The following ARID1B variants were observed in gnomAD, a reference collection of about 807,000 sequenced individuals.
The protein encoded by ARID1B is AT-rich interactive domain-containing protein 1B.
A neutral mutation model predicts 212.3 loss-of-function variants in ARID1B; 30 were observed. The observed-to-expected ratio is 0.14, with a 90% CI of 0.11 to 0.19. ARID1B has a LOEUF of 0.19. Ranked by LOEUF, ARID1B falls within the 10% of genes least tolerant of loss-of-function variation. ARID1B has a pLI of 1.00. For synonymous variants in ARID1B, 1,402 were observed against 1,301.7 expected (o/e 1.08, Z -1.66); for missense variants, 2,891 against 3,204.0 (o/e 0.90, Z 2.36).
intron 4 of ARID1B, among the ~76,000 whole-genome samples, chr6:157,060,985 C>G (rs946857367): frequency 6.6e-6 from 1 of 152,084 alleles, no homozygotes; most frequent in Non-Finnish European, 1.5e-5. Context: ...GTGGAGTGCT[C>G]TGCCCACTCC....
At chr6:157,077,252 G>A (rs934796277) in intron 4 of ARID1B, among the ~76,000 whole-genome samples, 1 of 152,128 alleles carries the variant, frequency 6.6e-6, no homozygotes, top group Admixed American at 6.5e-5. Context: ...TTCTTAAATA[G>A]TACCTGCAAT....
At chr6:156,920,551 A>G (rs1025065903) in intron 3 of ARID1B, among the ~76,000 whole-genome samples, 19 of 152,186 alleles carry the variant, frequency 1.2e-4, no homozygotes, top group Non-Finnish European at 2.2e-4. Flanking sequence ...AACAAGCTCT[A>G]TGTATATTGT....
chr6:157,007,358 A>G (rs1387986881), intron 4 of ARID1B, among the ~76,000 whole-genome samples: 2 of 152,208 alleles, frequency 1.3e-5, no homozygotes, highest in Non-Finnish European at 2.9e-5. Context: ...GAATCCCAAA[A>G]TGTTATTCTT....
intron 6 of ARID1B, among the ~76,000 whole-genome samples, chr6:157,131,144 C>T (rs539726260): frequency 6.6e-6 from 1 of 152,298 alleles, no homozygotes; most frequent in East Asian, 1.9e-4. Context: ...TCGTACTCAG[C>T]ACTCTGTTGG....
intron 2 of ARID1B, among the ~76,000 whole-genome samples, chr6:156,838,213 A>T (rs1036794123): frequency 6.6e-6 from 1 of 152,200 alleles, no homozygotes. Context: ...CAAGGATCCA[A>T]GTCAAGATCT....
At chr6:157,016,463 C>T (rs76855390) in intron 4 of ARID1B, among the ~76,000 whole-genome samples, 4,072 of 152,232 alleles carry the variant, frequency 0.027, 260 homozygotes, top group East Asian at 0.25. Flanking sequence ...TACAGCAAGT[C>T]CTTGAATAAT....
chr6:156,937,213 G>A (rs1792316022), intron 4 of ARID1B: 1 of 152,156 alleles, frequency 6.6e-6, no homozygotes, highest in Admixed American at 6.6e-5. Flanking sequence ...GTGTGTGAGA[G>A]AGAGAGAAGG....
At chr6:156,822,789 G>A (rs1412969052) in intron 1 of ARID1B, among the ~76,000 whole-genome samples, 1 of 152,192 alleles carries the variant, frequency 6.6e-6, no homozygotes, top group Admixed American at 6.5e-5. Context: ...GGGAACCTCT[G>A]TGGTGAGGTG....
rs1350113636 is a variant in ARID1B, at chr6:156,778,799, C to T, written c.1119C>T (p.Tyr373=). 3.3e-6 allele frequency: 5 copies of T among 1,498,834 alleles called. No individual in the cohort carries two copies. The highest frequency in any genetic ancestry group is 1.5e-5 in the African/African-American group (1 of 68,132). 92.8% of individuals were successfully genotyped at this position (1,498,834 alleles called of 1,614,324 possible). ...CCCTGCAGAACTCCCACGAAGGGTA[C>T]CCCAACAGCCAGTGCAACCATTATC... The part of the protein sequence containing the change: ...MDPLQNSHEG[Y]PNSQCNHYPG... The change falls in exon 1 of 20, where the codon TAC becomes TAT. Residue 373 remains tyrosine (Y), a synonymous_variant. Transcript: ENST00000636930.
intron 3 of ARID1B, among the ~76,000 whole-genome samples, chr6:156,920,140 C>T (rs557237454): frequency 6.6e-6 from 1 of 152,228 alleles, no homozygotes; most frequent in African/African-American, 2.4e-5. Context: ...GTAGAACTGG[C>T]GCTCTCCGAG....
intron 4 of ARID1B, among the ~76,000 whole-genome samples, chr6:157,035,432 A>G (rs1319923342): frequency 3.3e-5 from 5 of 152,208 alleles, no homozygotes; most frequent in Admixed American, 2.6e-4. Flanking sequence ...TTTAATTTAA[A>G]AAATAGTTGA....
intron 2 of ARID1B, among the ~76,000 whole-genome samples, chr6:156,885,092 C>T (rs1178212868): frequency 6.6e-6 from 1 of 151,976 alleles, no homozygotes; most frequent in Non-Finnish European, 1.5e-5. Context: ...CCTGGCTTTA[C>T]CTTCTAATGG....
intron 3 of ARID1B, among the ~76,000 whole-genome samples, chr6:156,931,011 A>G (rs1791655993): frequency 6.6e-6 from 1 of 152,106 alleles, no homozygotes; most frequent in Non-Finnish European, 1.5e-5. Flanking sequence ...CAACACAGTG[A>G]AACCCCATCT....
At chr6:157,083,432 G>C (rs997219451) in intron 4 of ARID1B, among the ~76,000 whole-genome samples, 1 of 152,152 alleles carries the variant, frequency 6.6e-6, no homozygotes, top group Non-Finnish European at 1.5e-5. Flanking sequence ...GCTGATGGGG[G>C]CCTCCATGGG....
intron 1 of ARID1B, among the ~76,000 whole-genome samples, chr6:156,803,925 G>T (rs1006465070): frequency 3.9e-5 from 6 of 152,150 alleles, no homozygotes; most frequent in Non-Finnish European, 8.8e-5. Context: ...TAGTTGAGGT[G>T]TGTAAAGCAT....
At chr6:156,891,352 G>A (rs894082424) in intron 2 of ARID1B, among the ~76,000 whole-genome samples, 1 of 152,128 alleles carries the variant, frequency 6.6e-6, no homozygotes, top group Non-Finnish European at 1.5e-5. Context: ...AATCTGTGAT[G>A]AAAAACAAAC....
chr6:156,959,642 G>A (rs1262197452), intron 4 of ARID1B, among the ~76,000 whole-genome samples: 1 of 152,164 alleles, frequency 6.6e-6, no homozygotes, highest in African/African-American at 2.4e-5. Flanking sequence ...AAAATTTTAT[G>A]AGAAGTCTTC....
chr6:157,156,176 G>C (rs1790562974), intron 8 of ARID1B, among the ~76,000 whole-genome samples: 1 of 152,162 alleles, frequency 6.6e-6, no homozygotes, highest in Non-Finnish European at 1.5e-5. Flanking sequence ...AGCAGGAAGT[G>C]ATTTGTATTA....
At chr6:156,804,899 C>A (rs759189958) in intron 1 of ARID1B, among the ~76,000 whole-genome samples, 5 of 149,978 alleles carry the variant, frequency 3.3e-5, no homozygotes, top group Non-Finnish European at 5.9e-5. Context: ...AGAAATTGGC[C>A]CTTTTTGTGT....
Sources: allele counts gnomAD v4.1 joint callset (sites outside exome capture counted in the v4.1 genomes callset), GRCh38; gene constraint gnomAD v4.1.1; transcripts MANE v1.5; gene names NCBI Gene and HGNC (gene_info 2026-07-23, HGNC 2026-07-21).